The following TAMM41 variants were observed in gnomAD, a reference collection of about 807,000 sequenced individuals.
TAMM41 encodes the protein phosphatidate cytidylyltransferase, mitochondrial.
In TAMM41, 36 loss-of-function variants were observed where a neutral mutation model predicts 44.1. That is an observed-to-expected ratio of 0.82 (90% CI 0.63 to 1.08). TAMM41 has a LOEUF of 1.08. Among genes scored for constraint, TAMM41 ranks in the 50% least tolerant of loss-of-function variants. The probability of loss-of-function intolerance (pLI) is 0.00; values close to 1 mark genes in which losing one functional copy is unlikely to be tolerated. For synonymous variants in TAMM41, 164 were observed against 153.1 expected (o/e 1.07, Z -0.53); for missense variants, 417 against 404.3 (o/e 1.03, Z -0.27).
At chr3:11,822,762 C>T (rs2078573777) in intron 4 of TAMM41, among the ~76,000 whole-genome samples, 1 of 152,172 alleles carries the variant, frequency 6.6e-6, no homozygotes, top group African/African-American at 2.4e-5. Context: ...TACAGATGCA[C>T]CAATTTTATT....
At chr3:11,725,283 C>T in the TAMM41 span, among the ~76,000 whole-genome samples, 1 of 139,594 alleles carries the variant, frequency 7.2e-6, no homozygotes, top group African/African-American at 2.6e-5. Flanking sequence ...CTCTTCTCCT[C>T]CTTCTCCTTC....
chr3:11,839,551 A>G (rs1181458877), intron 2 of TAMM41, among the ~76,000 whole-genome samples: 1 of 152,202 alleles, frequency 6.6e-6, no homozygotes, highest in Non-Finnish European at 1.5e-5. Flanking sequence ...CTGTCTTCAC[A>G]AGATTATAAC....
chr3:11,729,520 TC>T, the TAMM41 span, among the ~76,000 whole-genome samples: 8 of 138,012 alleles, frequency 5.8e-5, no homozygotes, highest in South Asian at 4.7e-4. Flanking sequence ...TTTCTTTCTT[TC>T]TTTCTTTTCT....
At chr3:11,781,819 C>T in the TAMM41 span, among the ~76,000 whole-genome samples, 1 of 151,898 alleles carries the variant, frequency 6.6e-6, no homozygotes, top group Non-Finnish European at 1.5e-5. Flanking sequence ...TCCCAGTCGT[C>T]AACAAATTGG....
the TAMM41 span, among the ~76,000 whole-genome samples, chr3:11,775,157 C>T: frequency 1.1e-4 from 17 of 152,142 alleles, no homozygotes; most frequent in Admixed American, 2.0e-4. Flanking sequence ...TGAGCCACCG[C>T]GCCTGGCCTT....
intron 4 of TAMM41, among the ~76,000 whole-genome samples, chr3:11,821,146 T>C (rs2078503136): frequency 6.6e-6 from 1 of 152,210 alleles, no homozygotes. Context: ...GGAAGAGGTT[T>C]TGTGGAAGAC....
chr3:11,753,807 G>C, the TAMM41 span, among the ~76,000 whole-genome samples: 1 of 152,040 alleles, frequency 6.6e-6, no homozygotes, highest in Non-Finnish European at 1.5e-5. Context: ...CCTAAAACAG[G>C]AGTGTGCTTG....
chr3:11,800,864 A>G (rs1334749996), intron 7 of TAMM41, among the ~76,000 whole-genome samples: 1 of 152,208 alleles, frequency 6.6e-6, no homozygotes, highest in Non-Finnish European at 1.5e-5. Flanking sequence ...TGTTCTTTTC[A>G]TCAGCACATA....
chr3:11,733,300 G>T, the TAMM41 span, among the ~76,000 whole-genome samples: 703 of 152,092 alleles, frequency 4.6e-3, 6 homozygotes, highest in African/African-American at 0.016. Context: ...CACCAAGCCT[G>T]TGTGAGTTCT....
intron 3 of TAMM41, among the ~76,000 whole-genome samples, chr3:11,834,747 C>T (rs2079108676): frequency 6.6e-6 from 1 of 152,150 alleles, no homozygotes; most frequent in Non-Finnish European, 1.5e-5. Context: ...AGTGCAGTGG[C>T]ATGATCTTGA....
rs143078336 is a variant in TAMM41, at chr3:11,836,260, G to A, written c.411+2962C>T. 7.5e-3 allele frequency among the ~76,000 whole-genome samples: 1,133 copies of A among 150,992 alleles called. 11 individuals carry two copies. The highest frequency in any genetic ancestry group is 0.026 in the African/African-American group (1,074 of 41,120). On this transcript the variant is annotated intron_variant, in intron 3 of 7. Transcript: ENST00000455809. ...TCTGCCTCAGCCTCCCAAAGTGCTG[G>A]GATTACAGGCATGAGTCACTGCACC... is the stretch of plus-strand genomic sequence containing the variant.
the TAMM41 span, among the ~76,000 whole-genome samples, chr3:11,743,028 A>G: frequency 6.6e-6 from 1 of 152,134 alleles, no homozygotes; most frequent in African/African-American, 2.4e-5. Context: ...GGCCCCCCCA[A>G]CCAGACACAG....
chr3:11,844,098 A>G lies in TAMM41; in HGVS notation c.249T>C (p.Ile83=), dbSNP rs772425354. ...CATAGTTATTCTGGATGGACGTGAT[A>G]ATCTTGGGCCCTAAAACTTTTAGGA... ...YSFLKVLGPK[I]ITSIQNNYGA... is the part of the protein sequence containing the mutation. The change falls in exon 2 of 8, where the codon ATT becomes ATC. Residue 83 remains isoleucine (I), a synonymous_variant. Coordinates refer to ENST00000455809, the MANE Select transcript of TAMM41 (RefSeq NM_001284401.2). 6.2e-7 allele frequency: 1 copy of G among 1,614,224 alleles called. No individual in the cohort carries two copies. The highest frequency in any genetic ancestry group is 2.2e-5 in the East Asian group (1 of 44,884).
rs150166183 is a variant in TAMM41, at chr3:11,793,652, G to A, written c.938-3071C>T. Among the ~76,000 whole-genome samples the A allele has an allele frequency of 5.3e-5, 8 of 152,308 alleles. No individual in the cohort carries two copies. The East Asian group carries it at 1.5e-3, about 29-fold the overall frequency. ...TTCACACAGCAGAATACTGCACTGG[G>A]CAGAAATGAACCACTGCTACTCCCA... On this transcript the variant is annotated intron_variant, in intron 7 of 7. Transcript: ENST00000455809.
the TAMM41 span, among the ~76,000 whole-genome samples, chr3:11,777,146 G>C: frequency 6.6e-6 from 1 of 152,152 alleles, no homozygotes; most frequent in Non-Finnish European, 1.5e-5. Context: ...AGACAAAAAT[G>C]GTAACTATGT....
rs1034853342 is a variant in TAMM41, at chr3:11,845,138, G to A, written c.136-927C>T. 2.2e-5 allele frequency: 8 copies of A among 360,980 alleles called. No individual in the cohort carries two copies. The Admixed American group carries it at 2.9e-4, about 13-fold the overall frequency. The allele number at this position is 360,980 out of a possible 1,614,324, so 22.4% of individuals were successfully genotyped here. On this transcript the variant is annotated intron_variant, in intron 1 of 7. Coordinates refer to ENST00000455809, the MANE Select transcript of TAMM41 (RefSeq NM_001284401.2). ...TTATGCGGTGGGAGATGAGATCAGA[G>A]AGGGAGGCTGTTTGCCATGCTAGAA...
the TAMM41 span, among the ~76,000 whole-genome samples, chr3:11,739,892 G>A: frequency 6.6e-6 from 1 of 152,096 alleles, no homozygotes; most frequent in African/African-American, 2.4e-5. Flanking sequence ...GCAAGACTGT[G>A]TTTTATTCAC....
chr3:11,821,723 G>A (rs984111267), intron 4 of TAMM41, among the ~76,000 whole-genome samples: 5 of 152,166 alleles, frequency 3.3e-5, no homozygotes, highest in East Asian at 1.9e-4. Context: ...AATAATTACC[G>A]GCTAACTTTT....
the TAMM41 span, among the ~76,000 whole-genome samples, chr3:11,733,129 G>A: frequency 6.6e-6 from 1 of 151,728 alleles, no homozygotes; most frequent in Non-Finnish European, 1.5e-5. Flanking sequence ...CTCCGGAGTA[G>A]CTGGGACTAC....
Sources: gnomAD v4.1 joint callset for allele counts (sites outside exome capture counted in the v4.1 genomes callset) on GRCh38, gnomAD v4.1.1 for gene constraint, MANE v1.5 for transcripts, NCBI Gene and HGNC (gene_info 2026-07-23, HGNC 2026-07-21) for gene names.